The following DCST2 variants were observed in gnomAD, a reference collection of about 807,000 sequenced individuals.
DCST2 encodes DC-STAMP domain containing 2.
DCST2 carries 64 observed loss-of-function variants against 81.8 expected under a neutral mutation model. The ratio of observed to expected loss-of-function variants is 0.78; its 90% confidence interval spans 0.64 to 0.96. DCST2 has a LOEUF of 0.96. DCST2 is among the 40% of genes least tolerant of loss of function. The pLI is 0.00. For missense variants in DCST2, 945 were observed against 1,001.4 expected (o/e 0.94, Z 0.76); for synonymous variants, 354 against 402.6 (o/e 0.88, Z 1.44).
intron 5 of DCST2, 74 bp from the exon 6 acceptor site, chr1:155,030,719 C>T (rs1210672259): frequency 6.5e-7 from 1 of 1,527,788 alleles, no homozygotes; most frequent in Non-Finnish European, 9.0e-7. Context: ...TGGGGAGGGG[C>T]CTGGCACAGC....
intron 10 of DCST2, among the ~76,000 whole-genome samples, chr1:155,025,690 T>TTTTTGTTTTG (rs1190468029): frequency 6.6e-6 from 1 of 151,312 alleles, no homozygotes; most frequent in Non-Finnish European, 1.5e-5. Flanking sequence ...CCACCATGTT[T>TTTTTGTTTTG]TTTTGTTTTG....
rs749754543 is a variant in DCST2 at position 155,026,764 on chromosome 1, GA to G, written c.1343-50del. The G allele has an allele frequency of 1.3e-5, 21 of 1,605,690 alleles. No homozygotes were observed. The South Asian group carries it at 2.2e-4, about 17-fold the overall frequency. On this transcript the variant is annotated intron_variant, in intron 8 of 14. Coordinates refer to ENST00000368424, the MANE Select transcript of DCST2 (RefSeq NM_144622.3). ...TGACACTCATGGCAGTTGCTATGCA[GA>G]AAACCCCACACCTTCTGGAATGAGG... is the stretch of plus-strand genomic sequence containing the variant.
intron 10 of DCST2, 138 bp from the exon 11 acceptor site, chr1:155,024,740 C>T: frequency 9.7e-7 from 1 of 1,028,888 alleles, no homozygotes; most frequent in Non-Finnish European, 1.3e-6. Context: ...ATGCCCCTTC[C>T]TCTGGGAAGT....
intron 4 of DCST2, 120 bp from the exon 5 acceptor site, chr1:155,031,354 T>A: frequency 8.6e-7 from 1 of 1,166,174 alleles, no homozygotes; most frequent in Non-Finnish European, 1.2e-6. Flanking sequence ...CCACATTTGC[T>A]CAAAACCTTG....
chr1:155,033,237 G>A lies in DCST2; in HGVS notation c.296C>T (p.Ala99Val), dbSNP rs1409525451. The A allele has an allele frequency of 2.5e-6, 4 of 1,613,652 alleles. No individual in the cohort carries two copies. The Admixed American group carries it at 6.7e-5, about 27-fold the overall frequency. The stretch of plus-strand genomic sequence containing the variant: ...CCCTTGAAGCACCAACCCAAAAGCA[G>A]CCACCAACAGTAGTGTCCGGCCCTG... ...SRQGRTLLLV[A>V]AFGLVLQGPC... The change falls in exon 2 of 15, where the codon GCT (alanine) becomes GTT (valine). Residue 99 changes from alanine to valine, a missense_variant. By Grantham distance (64) the Ala-to-Val change is moderately conservative. Transcript: ENST00000368424.
intron 6 of DCST2, 25 bp from the exon 7 acceptor site, chr1:155,030,266 G>T: frequency 6.2e-7 from 1 of 1,613,850 alleles, no homozygotes; most frequent in South Asian, 1.1e-5. Context: ...TGGAGCACAT[G>T]TGAGGCCCCT....
Position 155,033,085 on chromosome 1 carries a change from G to A in DCST2, c.439+9C>T. The A allele has an allele frequency of 6.4e-7, 1 of 1,556,018 alleles. No homozygotes were observed. The highest frequency in any genetic ancestry group is 8.7e-7 in the Non-Finnish European group (1 of 1,150,660). ...CCGTGGGAGACAGTGGTAGAGGTGG[G>A]GGACTTACTGACAAGAGGTTGCTTG... On this transcript the variant is annotated intron_variant, in intron 2 of 14. Transcript: ENST00000368424.
At position 155,033,223 on chromosome 1, in the gene DCST2, C is replaced by G; in HGVS notation, c.310G>C (p.Val104Leu). Residue 104 changes from valine (V) to leucine (L), a missense_variant, in exon 2 of 15, where the codon GTG (valine) becomes CTG (leucine). Coordinates refer to ENST00000368424, the MANE Select transcript of DCST2 (RefSeq NM_144622.3). ...TLLLVAAFGLVLQGPCANTLR... is the reference protein window; with the variant it reads ...TLLLVAAFGLLLQGPCANTLR... ...GTGTTGGCACAAGGCCCTTGAAGCA[C>G]CAACCCAAAAGCAGCCACCAACAGT... 1 of 1,613,994 alleles carries G rather than the reference C, an allele frequency of 6.2e-7. No individual in the cohort carries two copies. The highest frequency in any genetic ancestry group is 8.5e-7 in the Non-Finnish European group (1 of 1,179,926).
intron 10 of DCST2, 95 bp from the exon 11 acceptor site, chr1:155,024,697 C>A: frequency 7.5e-7 from 1 of 1,337,440 alleles, no homozygotes; most frequent in Non-Finnish European, 9.7e-7. Flanking sequence ...TCCTTCTATC[C>A]AACTCCTATG....
At chr1:155,025,040 G>A (rs1277305425) in intron 10 of DCST2, among the ~76,000 whole-genome samples, 4 of 151,932 alleles carry the variant, frequency 2.6e-5, no homozygotes, top group Non-Finnish European at 4.4e-5. Flanking sequence ...CCAGCTACTC[G>A]GGAGGCTGAG....
rs1659800939 is a variant in DCST2, at chr1:155,023,228, A to G, written c.1994T>C (p.Leu665Pro). 6.2e-7 allele frequency: 1 copy of G among 1,614,142 alleles called. No homozygotes were observed. The highest frequency in any genetic ancestry group is 1.3e-5 in the African/African-American group (1 of 75,042). ...LDSSDEEGPQ[L>P]WLAAAQRKDP... The stretch of plus-strand genomic sequence containing the variant: ...CTTCCTTTGAGCTGCAGCCAGCCAT[A>G]GCTGAGGGCCCTCCTCATCGCTGGA... The change falls in exon 14 of 15, where the codon CTA becomes CCA. Residue 665 changes from leucine to proline, a missense_variant. Leu to Pro is a moderately conservative substitution (Grantham distance 98). Coordinates refer to ENST00000368424, the MANE Select transcript of DCST2 (RefSeq NM_144622.3).
At position 155,023,965 on chromosome 1, in the gene DCST2, A is replaced by G. The variant is rs1055506319; in HGVS notation, c.1743-6T>C. The G allele has an allele frequency of 7.4e-6, 12 of 1,611,806 alleles. No individual in the cohort carries two copies. Among genetic ancestry groups the G allele is most frequent in the Non-Finnish European group, 1.0e-5 (12 of 1,179,344 alleles). ...ATGGACCTAGGCAGGGGCACCTGAG[A>G]AAAGGGTCACAGACACTAAGCAGGC... On this transcript the variant is annotated splice_polypyrimidine_tract_variant and splice_region_variant and intron_variant, in intron 11 of 14. Transcript: ENST00000368424.
At chr1:155,020,988 A>C (rs1472963941) in intron 14 of DCST2, among the ~76,000 whole-genome samples, 1 of 151,418 alleles carries the variant, frequency 6.6e-6, no homozygotes, top group African/African-American at 2.4e-5. Context: ...ATGCCCAGCT[A>C]ATTTTTGTAT....
chr1:155,024,536 G>A lies in DCST2; in HGVS notation c.1678C>T (p.Arg560Ter), dbSNP rs768674583. 2.7e-5 allele frequency: 44 copies of A among 1,608,306 alleles called. No individual in the cohort carries two copies. Among genetic ancestry groups the A allele is most frequent in the Middle Eastern group, 1.6e-4 (1 of 6,078 alleles). The change falls in exon 11 of 15, where the codon CGA (arginine) becomes TGA (stop). Residue 560 changes from arginine to a stop codon, truncating the protein, a stop_gained. Transcript: ENST00000368424. LOFTEE classifies it high-confidence loss of function. ...TCAGCCGCCCGCCGCCTCACTGATC[G>A]GTGCAGGGCAGCCAACAGATTGGTT... Reference protein sequence around the residue: ...RRTNLLAALHRSVRRRAADQG... With the variant: ...RRTNLLAALH
At chr1:155,021,698 G>GT (rs34945480) in intron 14 of DCST2, among the ~76,000 whole-genome samples, 35 of 151,952 alleles carry the variant, frequency 2.3e-4, no homozygotes, top group Non-Finnish European at 4.0e-4. Flanking sequence ...CCCAGAACCT[G>GT]TTTATCTTCC....
In DCST2 at chr1:155,026,326, G is replaced by A; in HGVS notation, c.1587C>T (p.Ala529=). 1 of 1,613,880 alleles carries A rather than the reference G, an allele frequency of 6.2e-7. No homozygotes were observed. The highest frequency in any genetic ancestry group is 8.5e-7 in the Non-Finnish European group (1 of 1,180,026). ...CCTGCTCCCGGGATGGGTAGTAGGA[G>A]GCACAGATGACTCGCCGCAGCCGGC... is the stretch of plus-strand genomic sequence containing the variant. ...YVSRLRRVIC[A]SYYPSREQER... is the part of the protein sequence containing the mutation. The change falls in exon 10 of 15, where the codon GCC becomes GCT. Residue 529 remains alanine (A), a synonymous_variant. Coordinates refer to ENST00000368424, the MANE Select transcript of DCST2 (RefSeq NM_144622.3).
rs1430995396 is a variant in DCST2 at position 155,033,165 on chromosome 1, A to G, written c.368T>C (p.Val123Ala). The G allele has an allele frequency of 1.2e-6, 2 of 1,612,058 alleles. No individual in the cohort carries two copies. Among genetic ancestry groups the G allele is most frequent in the East Asian group, 2.2e-5 (1 of 44,864 alleles). Residue 123 changes from valine (V) to alanine (A), a missense_variant, in exon 2 of 15, where the codon GTA (valine) becomes GCA (alanine). Coordinates refer to ENST00000368424, the MANE Select transcript of DCST2 (RefSeq NM_144622.3). Reference sequence around the variant, plus strand: ...CAGGGCCAGCTCTGCCCCACAGGCTACAGCCTCGCTGGCCCGGGTGAAGTT... The same window carrying G: ...CAGGGCCAGCTCTGCCCCACAGGCTGCAGCCTCGCTGGCCCGGGTGAAGTT... ...LRNFTRASEA[V>A]ACGAELALNQ... is the part of the protein sequence containing the mutation.
At chr1:155,019,923 C>G (rs1485410882) in intron 14 of DCST2, among the ~76,000 whole-genome samples, 1 of 152,244 alleles carries the variant, frequency 6.6e-6, no homozygotes, top group Non-Finnish European at 1.5e-5. Flanking sequence ...ACCACCCACT[C>G]CTTGAAACCT....
chr1:155,028,645 C>T (rs1659980660), intron 8 of DCST2, among the ~76,000 whole-genome samples: 1 of 150,278 alleles, frequency 6.7e-6, no homozygotes, highest in Non-Finnish European at 1.5e-5. Context: ...GAGGCCAAGG[C>T]CAGCAGATCA....
Sources: allele counts gnomAD v4.1 joint callset (sites outside exome capture counted in the v4.1 genomes callset), GRCh38; gene constraint gnomAD v4.1.1; transcripts MANE v1.5; gene names NCBI Gene and HGNC (gene_info 2026-07-23, HGNC 2026-07-21).